Variants in CDC14A observed in about 807,000 individuals in gnomAD.
CDC14A encodes the protein dual specificity protein phosphatase CDC14A.
CDC14A carries 53 observed loss-of-function variants against 74.4 expected under a neutral mutation model. The ratio of observed to expected loss-of-function variants is 0.71; its 90% confidence interval spans 0.57 to 0.89. The LOEUF (loss-of-function observed/expected upper bound fraction) is 0.89, where lower values mean the gene tolerates loss of function less well. Among genes scored for constraint, CDC14A ranks in the 40% least tolerant of loss-of-function variants. The pLI is 0.00. For missense variants in CDC14A, 646 were observed against 713.7 expected (o/e 0.91, Z 1.08); for synonymous variants, 247 against 258.4 (o/e 0.96, Z 0.43).
intron 11 of CDC14A, among the ~76,000 whole-genome samples, chr1:100,494,469 T>C (rs1428250958): frequency 1.3e-5 from 2 of 152,202 alleles, no homozygotes; most frequent in African/African-American, 4.8e-5. Context: ...AAAAACATAT[T>C]TGTACTGCAT....
In CDC14A at chr1:100,499,281, C is replaced by A. The variant is rs1242633018; in HGVS notation, c.1755+19C>A. ...TATCCCTGTAAGTGCGCAGACACCA[C>A]CTCCTGGTCCTCAGAACCCTGAATG... is the stretch of plus-strand genomic sequence containing the variant. On this transcript the variant is annotated intron_variant, in intron 15 of 15. Coordinates refer to ENST00000336454, the MANE Select transcript of CDC14A (RefSeq NM_003672.4). The A allele has an allele frequency of 1.9e-6, 3 of 1,614,078 alleles. No individual in the cohort carries two copies. Among genetic ancestry groups the A allele is most frequent in the Non-Finnish European group, 2.5e-6 (3 of 1,180,036 alleles).
chr1:100,497,731 G>A (rs2101434983), intron 13 of CDC14A, among the ~76,000 whole-genome samples: 1 of 152,332 alleles, frequency 6.6e-6, no homozygotes, highest in Middle Eastern at 3.4e-3. Flanking sequence ...TCATGGCTAA[G>A]AGCAGGACTT....
chr1:100,423,083 C>T (rs985277625), intron 4 of CDC14A, among the ~76,000 whole-genome samples: 6 of 152,168 alleles, frequency 3.9e-5, no homozygotes, highest in South Asian at 2.1e-4. Flanking sequence ...CCAAGACCAT[C>T]GGCTCAGAAT....
At chr1:100,419,233 T>C (rs1557739267) in intron 4 of CDC14A, among the ~76,000 whole-genome samples, 1 of 152,118 alleles carries the variant, frequency 6.6e-6, no homozygotes, top group African/African-American at 2.4e-5. Flanking sequence ...TGTGAAGAGA[T>C]AATCAGTCTG....
Position 100,352,769 on chromosome 1 carries a change from G to A in CDC14A, c.-186G>A. ...AGCGAGCTCGGGTTCCCCTCGGAATGTCCCCGGGGCGCCCGGCGCGCTGAC... is the reference window on the plus strand; with the variant it reads ...AGCGAGCTCGGGTTCCCCTCGGAATATCCCCGGGGCGCCCGGCGCGCTGAC... On this transcript the variant is annotated 5_prime_UTR_variant, in exon 1 of 16. It removes an upstream start codon present in the reference 5' UTR. Transcript: ENST00000336454. 3 of 1,420,042 alleles carry A rather than the reference G, an allele frequency of 2.1e-6. No homozygotes were observed. The highest frequency in any genetic ancestry group is 2.7e-6 in the Non-Finnish European group (3 of 1,093,496). The allele number at this position is 1,420,042 out of a possible 1,614,324, so 88.0% of individuals were successfully genotyped here.
intron 7 of CDC14A, among the ~76,000 whole-genome samples, chr1:100,446,480 G>A (rs1665554700): frequency 6.6e-6 from 1 of 152,194 alleles, no homozygotes; most frequent in African/African-American, 2.4e-5. Flanking sequence ...CAATTCCAGG[G>A]TCTAAAGCAG....
rs534575219 is a variant in CDC14A at position 100,369,563 on chromosome 1, T to C, written c.141-7983T>C. On this transcript the variant is annotated intron_variant, in intron 2 of 15. Coordinates refer to ENST00000336454, the MANE Select transcript of CDC14A (RefSeq NM_003672.4). ...AGTGTCTGTTCATGTCTTTTGCTCA[T>C]TTTTTAATGGGGTTATTTTTCTCTT... Among the ~76,000 whole-genome samples, 359 of 152,310 alleles carry C rather than the reference T, an allele frequency of 2.4e-3. 1 individual carries two copies. The highest frequency in any genetic ancestry group is 4.7e-3 in the Admixed American group (72 of 15,300).
At chr1:100,377,336 G>A (rs912694511) in intron 2 of CDC14A, among the ~76,000 whole-genome samples, 2 of 152,080 alleles carry the variant, frequency 1.3e-5, no homozygotes, top group African/African-American at 2.4e-5. Flanking sequence ...CACCGCGCCC[G>A]GCCACTAGTT....
At chr1:100,465,717 A>T (rs1667735593) in intron 9 of CDC14A, among the ~76,000 whole-genome samples, 1 of 152,242 alleles carries the variant, frequency 6.6e-6, no homozygotes, top group African/African-American at 2.4e-5. Flanking sequence ...TCTGCATTTC[A>T]CTTTGTGGTT....
upstream of CDC14A, among the ~76,000 whole-genome samples, chr1:100,347,484 T>C (rs1468173110): frequency 1.3e-5 from 2 of 152,206 alleles, no homozygotes; most frequent in East Asian, 1.9e-4. Flanking sequence ...TAAACAGGCA[T>C]TGGTGATTTG....
intron 8 of CDC14A, among the ~76,000 whole-genome samples, chr1:100,456,268 A>T (rs17122558): frequency 0.012 from 1,886 of 152,368 alleles, 40 homozygotes; most frequent in African/African-American, 0.043. Flanking sequence ...ATGAAACATG[A>T]TCAGCTATGC....
intron 10 of CDC14A, among the ~76,000 whole-genome samples, chr1:100,473,552 A>G (rs1246890755): frequency 6.6e-6 from 1 of 151,788 alleles, no homozygotes; most frequent in Non-Finnish European, 1.5e-5. Flanking sequence ...ACGCCCGGCT[A>G]ATTTTTTGTA....
chr1:100,512,068 C>T (rs535639479), intron 15 of CDC14A, among the ~76,000 whole-genome samples: 2 of 152,128 alleles, frequency 1.3e-5, no homozygotes, highest in East Asian at 1.9e-4. Context: ...ACTCTGCTTT[C>T]CCTTGTTTCT....
chr1:100,459,086 AACACACACACACACGCACACACAC>A (rs1440853585), intron 8 of CDC14A, among the ~76,000 whole-genome samples: 2 of 129,236 alleles, frequency 1.5e-5, no homozygotes, highest in Non-Finnish European at 3.1e-5. Flanking sequence ...CTTCTATTTA[AACACACACACACACGCACACACAC>A]ACACACACAC....
chr1:100,397,755 C>G (rs1658715723), intron 4 of CDC14A, among the ~76,000 whole-genome samples: 1 of 152,096 alleles, frequency 6.6e-6, no homozygotes, highest in Non-Finnish European at 1.5e-5. Context: ...CTTTCCTTAC[C>G]CACTTGTTAA....
chr1:100,418,225 A>T (rs1288693726), intron 4 of CDC14A, among the ~76,000 whole-genome samples: 1 of 152,172 alleles, frequency 6.6e-6, no homozygotes, highest in Admixed American at 6.5e-5. Flanking sequence ...CATTATTGTG[A>T]TCATTATCAC....
intron 15 of CDC14A, among the ~76,000 whole-genome samples, chr1:100,517,229 T>C (rs1438016040): frequency 6.6e-6 from 1 of 152,222 alleles, no homozygotes; most frequent in Non-Finnish European, 1.5e-5. Flanking sequence ...GTAAGTTCTT[T>C]GGAAAATGGA....
intron 15 of CDC14A, among the ~76,000 whole-genome samples, chr1:100,507,704 C>T (rs536374059): frequency 2.0e-4 from 31 of 152,052 alleles, no homozygotes; most frequent in African/African-American, 7.2e-4. Context: ...AGGAGTCTCA[C>T]TCTGTTACCC....
chr1:100,361,131 A>T, intron 2 of CDC14A, among the ~76,000 whole-genome samples: 1 of 152,256 alleles, frequency 6.6e-6, no homozygotes, highest in Middle Eastern at 3.4e-3. Flanking sequence ...AACAAAAAAC[A>T]AAAAAACTAA....
Sources: allele counts gnomAD v4.1 joint callset (sites outside exome capture counted in the v4.1 genomes callset), GRCh38; gene constraint gnomAD v4.1.1; transcripts MANE v1.5; gene names NCBI Gene and HGNC (gene_info 2026-07-23, HGNC 2026-07-21).